The following DNAI3 variants were observed in gnomAD, a reference collection of about 807,000 sequenced individuals.
DNAI3 encodes dynein axonemal intermediate chain 3, also known as WD repeat domain 63.
In DNAI3, 83 loss-of-function variants were observed where a neutral mutation model predicts 115.5. The observed-to-expected ratio is 0.72, with a 90% CI of 0.60 to 0.86. The LOEUF is 0.86. DNAI3 is among the 40% of genes least tolerant of loss of function. DNAI3 has a pLI of 0.00. For synonymous variants in DNAI3, 320 were observed against 347.0 expected (o/e 0.92, Z 0.86); for missense variants, 1,004 against 1,075.8 (o/e 0.93, Z 0.93).
intron 5 of DNAI3, among the ~76,000 whole-genome samples, chr1:85,084,229 G>GTA (rs1406734727): frequency 1.6e-4 from 19 of 121,694 alleles, no homozygotes. Flanking sequence ...ATATATATGT[G>GTA]TATATATATA....
intron 13 of DNAI3, among the ~76,000 whole-genome samples, chr1:85,101,134 T>TA (rs11383869): frequency 0.59 from 87,987 of 150,062 alleles, 26,038 homozygotes; most frequent in African/African-American, 0.66. Context: ...ATAATAAAAT[T>TA]AAAAAAAAAG....
At chr1:85,090,773 G>T (rs1654948990) in intron 8 of DNAI3, among the ~76,000 whole-genome samples, 1 of 152,076 alleles carries the variant, frequency 6.6e-6, no homozygotes, top group Non-Finnish European at 1.5e-5. Flanking sequence ...TAGGACCCTG[G>T]GTAGAGTTCT....
Position 85,132,852 on chromosome 1 carries a change from C to A in DNAI3, c.2533-3C>A, listed in dbSNP as rs368662854. ...GGATGTCTTGTTTTTCTTCCCCCCC[C>A]AGAAAACATATCAGAAGTCAAAAGA... is the stretch of plus-strand genomic sequence containing the variant. On this transcript the variant is annotated splice_polypyrimidine_tract_variant and splice_region_variant and intron_variant, in intron 22 of 22. Coordinates refer to ENST00000294664, the MANE Select transcript of DNAI3 (RefSeq NM_145172.5). The A allele has an allele frequency of 1.4e-5, 22 of 1,597,764 alleles. No homozygotes were observed. Among genetic ancestry groups the A allele is most frequent in the South Asian group, 2.2e-5 (2 of 89,330 alleles).
rs748061486 is a variant in DNAI3, at chr1:85,094,514, C to T, written c.1132C>T (p.Leu378=). 19 of 1,614,060 alleles carry T rather than the reference C, an allele frequency of 1.2e-5. No individual in the cohort carries two copies. The African/African-American group carries it at 1.3e-4, about 11-fold the overall frequency. ...FSGKLLLQPS[L]ILFWSFSDPI... is the part of the protein sequence containing the mutation. ...TGGTAAATTATTGCTGCAGCCATCACTGATTCTTTTCTGGAGCTTCTCTGA... is the reference window on the plus strand; with the variant it reads ...TGGTAAATTATTGCTGCAGCCATCATTGATTCTTTTCTGGAGCTTCTCTGA... The change falls in exon 10 of 23, where the codon CTG becomes TTG. Residue 378 remains leucine, a synonymous_variant. Coordinates refer to ENST00000294664, the MANE Select transcript of DNAI3 (RefSeq NM_145172.5).
At chr1:85,130,626 G>A (rs1256652885) in intron 22 of DNAI3, among the ~76,000 whole-genome samples, 5 of 151,782 alleles carry the variant, frequency 3.3e-5, no homozygotes, top group Non-Finnish European at 7.4e-5. Context: ...TCAGTAAATA[G>A]TGCTATTATA....
chr1:85,080,166 C>T (rs1654590695), intron 3 of DNAI3, among the ~76,000 whole-genome samples: 1 of 149,370 alleles, frequency 6.7e-6, no homozygotes, highest in African/African-American at 2.5e-5. Context: ...ATTCTCCTGC[C>T]TCAGCCTCCC....
chr1:85,084,450 T>A, intron 5 of DNAI3, 96 bp from the exon 6 acceptor site: 1 of 943,840 alleles, frequency 1.1e-6, no homozygotes, highest in Non-Finnish European at 1.4e-6. Context: ...AATGAATTTA[T>A]ATAAAAGTAA....
At chr1:85,090,342 T>C (rs1363714656) in intron 8 of DNAI3, 110 bp downstream of exon 8, 1 of 521,222 alleles carries the variant, frequency 1.9e-6, no homozygotes, top group Non-Finnish European at 3.2e-6. Context: ...ATAAAAAGTA[T>C]GAAGACAGTT....
At chr1:85,094,682 T>A in intron 10 of DNAI3, 127 bp downstream of exon 10, 1 of 1,181,840 alleles carries the variant, frequency 8.5e-7, no homozygotes. Flanking sequence ...AAGTTAGGCT[T>A]TCTTCAATGC....
intron 9 of DNAI3, 111 bp downstream of exon 9, chr1:85,093,759 C>A: frequency 7.5e-7 from 1 of 1,326,506 alleles, no homozygotes; most frequent in Non-Finnish European, 1.1e-6. Flanking sequence ...CTTCCATTTG[C>A]TCTGTACTCA....
At chr1:85,085,211 A>C (rs1654762322) in intron 6 of DNAI3, among the ~76,000 whole-genome samples, 1 of 152,184 alleles carries the variant, frequency 6.6e-6, no homozygotes, top group Non-Finnish European at 1.5e-5. Flanking sequence ...ACCCTCAAAC[A>C]CATCAATTTC....
intron 5 of DNAI3, among the ~76,000 whole-genome samples, chr1:85,082,928 T>C (rs2100568525): frequency 6.6e-6 from 1 of 152,230 alleles, no homozygotes; most frequent in Non-Finnish European, 1.5e-5. Context: ...CAACTTTGAG[T>C]AAGTTACTGA....
At chr1:85,107,726 A>G in intron 14 of DNAI3, among the ~76,000 whole-genome samples, 1 of 152,192 alleles carries the variant, frequency 6.6e-6, no homozygotes, top group Non-Finnish European at 1.5e-5. Flanking sequence ...TGAGTTATAC[A>G]CTTTAATTGG....
At chr1:85,113,963 T>A (rs817467) in intron 16 of DNAI3, among the ~76,000 whole-genome samples, 148,835 of 151,092 alleles carry the variant, frequency 0.99, 73,353 homozygotes, top group East Asian at 1. Context: ...GGTACTTAAA[T>A]TTTTTTAATT....
At chr1:85,119,807 C>T (rs1341519638) in intron 17 of DNAI3, among the ~76,000 whole-genome samples, 2 of 152,152 alleles carry the variant, frequency 1.3e-5, no homozygotes, top group African/African-American at 4.8e-5. Flanking sequence ...AAGCAATTCC[C>T]CTGCCTCAGC....
Position 85,073,066 on chromosome 1 carries a change from T to G in DNAI3, c.77T>G (p.Met26Arg), listed in dbSNP as rs1413916044. ...TATTATATTCTAGCTAGTGAAGACATGGAACCAGTAAATATGGAGAGCATG... is the reference window on the plus strand; with the variant it reads ...TATTATATTCTAGCTAGTGAAGACAGGGAACCAGTAAATATGGAGAGCATG... Reference protein sequence around the residue: ...LKPVLAASEDMEPVNMESMGH... With the variant: ...LKPVLAASEDREPVNMESMGH... The change falls in exon 3 of 23, where the codon ATG becomes AGG. Residue 26 changes from methionine to arginine, a missense_variant. By Grantham distance (91) the Met-to-Arg change is moderately conservative. This residue lies in a region of DNAI3 where 550 missense variants were observed against 568.1 expected (regional missense o/e 0.97). Coordinates refer to ENST00000294664, the MANE Select transcript of DNAI3 (RefSeq NM_145172.5). 2.6e-6 allele frequency: 4 copies of G among 1,550,380 alleles called. No individual in the cohort carries two copies. Among genetic ancestry groups the G allele is most frequent in the Non-Finnish European group, 8.7e-7 (1 of 1,146,164 alleles).
At chr1:85,073,145 TA>T (rs1458908735) in intron 3 of DNAI3, 53 bp downstream of exon 3, 1 of 1,321,038 alleles carries the variant, frequency 7.6e-7, no homozygotes, top group East Asian at 2.5e-5. Context: ...AATATTTTAA[TA>T]ATGCAATAAG....
At chr1:85,112,744 T>C (rs1442548619) in intron 16 of DNAI3, among the ~76,000 whole-genome samples, 1 of 152,198 alleles carries the variant, frequency 6.6e-6, no homozygotes, top group Non-Finnish European at 1.5e-5. Context: ...GTTCAAATCT[T>C]TTGCCCATTT....
At chr1:85,112,864 G>A (rs1001600170) in intron 16 of DNAI3, among the ~76,000 whole-genome samples, 3 of 152,182 alleles carry the variant, frequency 2.0e-5, no homozygotes, top group Non-Finnish European at 2.9e-5. Context: ...CTGCCTCTGG[G>A]TTCAAGTGAT....
Sources: allele counts gnomAD v4.1 joint callset (sites outside exome capture counted in the v4.1 genomes callset), GRCh38; gene constraint gnomAD v4.1.1; regional missense constraint gnomAD v4.1.1; transcripts MANE v1.5; gene names NCBI Gene and HGNC (gene_info 2026-07-23, HGNC 2026-07-21).